MEMO1: variants seen among roughly 807,000 people sequenced by gnomAD.
MEMO1 encodes protein MEMO1.
In MEMO1, 6 loss-of-function variants were observed where a neutral mutation model predicts 45.2. The observed-to-expected ratio is 0.13, with a 90% CI of 0.07 to 0.26. The LOEUF is 0.26. Ranked by LOEUF, MEMO1 falls within the 10% of genes least tolerant of loss-of-function variation. MEMO1 has a pLI of 1.00. For missense variants in MEMO1, 184 were observed against 370.5 expected, an observed-to-expected ratio of 0.50 and a Z score of 4.13; for synonymous variants, 78 against 124.3, an observed-to-expected ratio of 0.63 and a Z score of 2.48.
At chr2:31,952,983 T>A (rs1667000940) in intron 2 of MEMO1, among the ~76,000 whole-genome samples, 1 of 152,256 alleles carries the variant, frequency 6.6e-6, no homozygotes, top group Admixed American at 6.5e-5. Context: ...TCCTTAAACA[T>A]TAATATAAAA....
chr2:32,010,693 G>A (rs1390333925), intron 1 of MEMO1: 3 of 147,924 alleles, frequency 2.0e-5, no homozygotes, highest in African/African-American at 7.4e-5. Flanking sequence ...ACCCCCCGCG[G>A]GGCTCCCCGC....
intron 4 of MEMO1, among the ~76,000 whole-genome samples, chr2:31,925,708 G>C (rs963317489): frequency 6.0e-4 from 91 of 152,120 alleles, no homozygotes; most frequent in Admixed American, 1.1e-3. Flanking sequence ...TGGTGCAAAG[G>C]TGAGGGGAGC....
chr2:31,981,111 A>AT (rs1670583480), intron 2 of MEMO1, among the ~76,000 whole-genome samples: 1 of 152,242 alleles, frequency 6.6e-6, no homozygotes, highest in South Asian at 2.1e-4. Flanking sequence ...TATCAGAATC[A>AT]TATACAGAGT....
chr2:31,886,016 G>A (rs978976251), intron 7 of MEMO1, among the ~76,000 whole-genome samples: 1 of 152,186 alleles, frequency 6.6e-6, no homozygotes, highest in Admixed American at 6.5e-5. Context: ...AGGAAAAAAA[G>A]AGGAAATGTT....
chr2:32,009,237 C>A (rs1275845403), intron 2 of MEMO1, among the ~76,000 whole-genome samples: 1 of 152,184 alleles, frequency 6.6e-6, no homozygotes, highest in African/African-American at 2.4e-5. Context: ...TAGGTAGTTC[C>A]AGCACCTGCC....
intron 2 of MEMO1, among the ~76,000 whole-genome samples, chr2:32,000,539 T>C (rs1299842223): frequency 1.3e-5 from 2 of 151,636 alleles, no homozygotes; most frequent in East Asian, 1.9e-4. Flanking sequence ...CAATTTTTTG[T>C]ATTTTTAGTA....
intron 4 of MEMO1, chr2:31,923,810 G>A: frequency 1.4e-6 from 2 of 1,468,486 alleles, no homozygotes; most frequent in East Asian, 2.6e-5. Context: ...AATTTCCTAA[G>A]TAAGTGTAAT....
intron 4 of MEMO1, among the ~76,000 whole-genome samples, chr2:31,924,976 G>A (rs1682864183): frequency 6.6e-6 from 1 of 152,104 alleles, no homozygotes; most frequent in Non-Finnish European, 1.5e-5. Context: ...GGCATTTCAT[G>A]GTCACAGGAT....
At chr2:31,901,851 G>A (rs765862081) in intron 6 of MEMO1, among the ~76,000 whole-genome samples, 3 of 151,796 alleles carry the variant, frequency 2.0e-5, no homozygotes, top group Non-Finnish European at 4.4e-5. Flanking sequence ...AGAGGTTGCA[G>A]TGAGCCAAGA....
chr2:31,963,911 T>C lies in MEMO1; in HGVS notation c.62-20528A>G, dbSNP rs148186560. 4.2e-3 allele frequency among the ~76,000 whole-genome samples: 640 copies of C among 152,276 alleles called. 10 individuals carry two copies. The highest frequency in any genetic ancestry group is 0.015 in the African/African-American group (627 of 41,550). ...ATACACACCAAATTTCTAAGATTCA[T>C]ACCAAAAAAAGAATGCAATATACTT... On this transcript the variant is annotated intron_variant, in intron 2 of 9. Transcript: ENST00000404530.
chr2:31,968,733 T>C (rs913693532), intron 2 of MEMO1, among the ~76,000 whole-genome samples: 2 of 152,196 alleles, frequency 1.3e-5, no homozygotes, highest in African/African-American at 4.8e-5. Context: ...TCCGTTTGTT[T>C]CACAATTCAA....
intron 2 of MEMO1, among the ~76,000 whole-genome samples, chr2:32,002,232 T>TATATAC (rs1019959876): frequency 6.8e-6 from 1 of 146,810 alleles, no homozygotes; most frequent in Non-Finnish European, 1.5e-5. Context: ...TATATGTGTA[T>TATATAC]ATATACATAT....
chr2:31,943,428 C>T (rs1572759494), intron 2 of MEMO1, 45 bp from the exon 3 acceptor site: 1 of 1,385,520 alleles, frequency 7.2e-7, no homozygotes, highest in Non-Finnish European at 1.0e-6. Flanking sequence ...AAGCAATGTA[C>T]TACAGATAAA....
At chr2:31,963,595 T>C (rs926435294) in intron 2 of MEMO1, among the ~76,000 whole-genome samples, 1 of 152,166 alleles carries the variant, frequency 6.6e-6, no homozygotes, top group African/African-American at 2.4e-5. Flanking sequence ...ATAGTCAAGG[T>C]TGGGAAGTAT....
chr2:31,996,855 C>T (rs1216739541), intron 2 of MEMO1, among the ~76,000 whole-genome samples: 3 of 152,000 alleles, frequency 2.0e-5, no homozygotes, highest in Admixed American at 6.6e-5. Flanking sequence ...CTCAGACTCC[C>T]GAATTGCTAG....
At chr2:31,921,745 T>G (rs1183034616) in intron 4 of MEMO1, among the ~76,000 whole-genome samples, 1 of 152,138 alleles carries the variant, frequency 6.6e-6, no homozygotes, top group Admixed American at 6.6e-5. Flanking sequence ...CCATATTTCT[T>G]CCATGGTAGG....
At chr2:31,981,349 T>C (rs1054813608) in intron 2 of MEMO1, among the ~76,000 whole-genome samples, 1 of 152,210 alleles carries the variant, frequency 6.6e-6, no homozygotes, top group African/African-American at 2.4e-5. Flanking sequence ...GACTTTTATG[T>C]CATTTACCTT....
Position 31,920,812 on chromosome 2 carries a change from C to A in MEMO1, c.311G>T (p.Arg104Leu), listed in dbSNP as rs754694544. ...DIYRTPLYDL[R>L]IDQKIYGELW... ...TATATACTTACTCTTTTGGTCAATA[C>A]GAAGGTCATACAGAGGTGTCCTATA... The change falls in exon 5 of 10, where the codon CGT becomes CTT. Residue 104 changes from arginine to leucine, a missense_variant. Arg to Leu is a moderately radical substitution (Grantham distance 102). Around this residue, in one of 3 missense-constraint regions of MEMO1, gnomAD observed 60 missense variants for 79.2 expected, o/e 0.76. Transcript: ENST00000404530. 1 of 1,592,222 alleles carries A rather than the reference C, an allele frequency of 6.3e-7. No homozygotes were observed. The highest frequency in any genetic ancestry group is 8.6e-7 in the Non-Finnish European group (1 of 1,168,730).
intron 2 of MEMO1, among the ~76,000 whole-genome samples, chr2:31,989,288 A>G (rs1439924593): frequency 6.6e-6 from 1 of 152,164 alleles, no homozygotes; most frequent in African/African-American, 2.4e-5. Flanking sequence ...ACATCAGGGA[A>G]AGTAACCAAC....
Sources: gnomAD v4.1 joint callset for allele counts (sites outside exome capture counted in the v4.1 genomes callset) on GRCh38, gnomAD v4.1.1 for gene constraint, gnomAD v4.1.1 regional missense constraint, MANE v1.5 for transcripts, NCBI Gene and HGNC (gene_info 2026-07-23, HGNC 2026-07-21) for gene names.